The following THSD7B variants were observed in gnomAD, a reference collection of about 807,000 sequenced individuals.
THSD7B encodes the protein thrombospondin type 1 domain containing 7B.
THSD7B carries 138 observed loss-of-function variants against 213.6 expected under a neutral mutation model. The ratio of observed to expected loss-of-function variants is 0.65; its 90% CI spans 0.56 to 0.74. The LOEUF is 0.74. Among genes scored for constraint, THSD7B ranks in the 30% least tolerant of loss-of-function variants. The pLI, the probability that THSD7B is intolerant of heterozygous loss-of-function variation, is 0.00. For synonymous variants in THSD7B, 742 were observed against 687.0 expected (o/e 1.08, Z -1.25); for missense variants, 1,931 against 1,991.5 (o/e 0.97, Z 0.58).
chr2:137,420,735 G>A (rs1686905716), intron 14 of THSD7B, among the ~76,000 whole-genome samples: 1 of 152,118 alleles, frequency 6.6e-6, no homozygotes, highest in African/African-American at 2.4e-5. Context: ...TCACATATGT[G>A]AATTCATTCC....
chr2:136,917,165 T>G (rs1684363319), intron 2 of THSD7B, among the ~76,000 whole-genome samples: 1 of 152,192 alleles, frequency 6.6e-6, no homozygotes, highest in African/African-American at 2.4e-5. Context: ...TCTCAAACTT[T>G]TCAGTTTAAG....
chr2:137,013,712 T>C (rs1185377739), intron 2 of THSD7B, among the ~76,000 whole-genome samples: 1 of 151,974 alleles, frequency 6.6e-6, no homozygotes, highest in East Asian at 1.9e-4. Flanking sequence ...TTAAAACCCA[T>C]CCTCCACCCC....
chr2:137,420,137 T>C (rs1361683336), intron 14 of THSD7B, among the ~76,000 whole-genome samples: 5 of 152,096 alleles, frequency 3.3e-5, no homozygotes, highest in African/African-American at 1.2e-4. Context: ...ATAAAAGCCA[T>C]TTTTACTGGA....
At chr2:137,343,949 G>T (rs918047626) in intron 12 of THSD7B, among the ~76,000 whole-genome samples, 1 of 151,670 alleles carries the variant, frequency 6.6e-6, no homozygotes. Context: ...CACATGTTGA[G>T]TTCTTTGAAA....
At chr2:137,117,478 G>A (rs1688465168) in intron 5 of THSD7B, among the ~76,000 whole-genome samples, 1 of 152,068 alleles carries the variant, frequency 6.6e-6, no homozygotes, top group African/African-American at 2.4e-5. Context: ...TAATATTATT[G>A]TTGTTATGTT....
chr2:137,056,220 C>A lies in THSD7B; in HGVS notation c.140-200C>A, dbSNP rs1687160466. On this transcript the variant is annotated intron_variant, in intron 2 of 27. Transcript: ENST00000409968. ...GCTTAGAAAGTTGAAATAATTCATC[C>A]AAGTTTACATTACTGATGGAATGCT... is the stretch of plus-strand genomic sequence containing the variant. 1.3e-5 allele frequency among the ~76,000 whole-genome samples: 2 copies of A among 152,090 alleles called. 1 individual carries two copies. The highest frequency in any genetic ancestry group is 4.1e-4 in the South Asian group (2 of 4,824).
chr2:137,395,007 G>A (rs1422495345), intron 12 of THSD7B, among the ~76,000 whole-genome samples: 1 of 144,506 alleles, frequency 6.9e-6, no homozygotes, highest in Admixed American at 6.8e-5. Context: ...TTTGTACATT[G>A]ATTTTGTATC....
chr2:137,637,278 A>G (rs962420074), intron 20 of THSD7B, among the ~76,000 whole-genome samples: 3 of 152,220 alleles, frequency 2.0e-5, no homozygotes, highest in Non-Finnish European at 4.4e-5. Context: ...ATTCCATGTT[A>G]TTAGATTTTT....
At chr2:137,166,112 T>G (rs1680123543) in intron 6 of THSD7B, among the ~76,000 whole-genome samples, 1 of 152,060 alleles carries the variant, frequency 6.6e-6, no homozygotes, top group Non-Finnish European at 1.5e-5. Flanking sequence ...TTATTCAGAG[T>G]ACATTAGAAA....
At chr2:137,504,012 T>A (rs1205117244) in intron 15 of THSD7B, among the ~76,000 whole-genome samples, 2 of 132,904 alleles carry the variant, frequency 1.5e-5, no homozygotes, top group Non-Finnish European at 3.1e-5. Flanking sequence ...GGCGACAGAG[T>A]GAGACTCCAT....
At chr2:137,539,599 G>A (rs1573694037) in intron 15 of THSD7B, among the ~76,000 whole-genome samples, 1 of 151,578 alleles carries the variant, frequency 6.6e-6, no homozygotes, top group East Asian at 1.9e-4. Context: ...CTTGTATAGA[G>A]GATGAATTTA....
At chr2:137,596,397 A>G (rs1013355248) in intron 17 of THSD7B, among the ~76,000 whole-genome samples, 11 of 152,090 alleles carry the variant, frequency 7.2e-5, no homozygotes, top group Non-Finnish European at 1.6e-4. Context: ...AAACATTAAA[A>G]ATGTTTAATT....
At chr2:137,286,721 T>C (rs2104826964) in intron 12 of THSD7B, among the ~76,000 whole-genome samples, 1 of 152,110 alleles carries the variant, frequency 6.6e-6, no homozygotes, top group South Asian at 2.1e-4. Context: ...AGGAGAAAGG[T>C]TTTCTGGGAA....
chr2:136,936,365 G>A (rs1684728245), intron 2 of THSD7B, among the ~76,000 whole-genome samples: 1 of 152,094 alleles, frequency 6.6e-6, no homozygotes, highest in Non-Finnish European at 1.5e-5. Context: ...AAAGATAATT[G>A]CACACGCATG....
chr2:136,997,914 C>T (rs896267743), intron 2 of THSD7B, among the ~76,000 whole-genome samples: 1 of 152,030 alleles, frequency 6.6e-6, no homozygotes, highest in African/African-American at 2.4e-5. Flanking sequence ...GGCTAAGACA[C>T]AAAGGGTTCC....
chr2:137,089,770 A>T (rs111287440), intron 3 of THSD7B, among the ~76,000 whole-genome samples: 2,091 of 152,228 alleles, frequency 0.014, 29 homozygotes, highest in African/African-American at 0.025. Context: ...GAACTTTAGG[A>T]GTCCAAAGAG....
chr2:137,664,012 T>A (rs922830309), intron 26 of THSD7B, among the ~76,000 whole-genome samples: 2 of 151,956 alleles, frequency 1.3e-5, no homozygotes, highest in Non-Finnish European at 2.9e-5. Flanking sequence ...CCACCACACC[T>A]GACTAATTTT....
intron 1 of THSD7B, among the ~76,000 whole-genome samples, chr2:136,881,743 C>T (rs566844134): frequency 3.9e-5 from 6 of 152,156 alleles, no homozygotes; most frequent in South Asian, 2.1e-4. Context: ...CATGAGTTAA[C>T]CACCTCAGGC....
intron 4 of THSD7B, among the ~76,000 whole-genome samples, chr2:137,101,698 G>A (rs1688153557): frequency 6.6e-6 from 1 of 152,164 alleles, no homozygotes; most frequent in African/African-American, 2.4e-5. Flanking sequence ...CTCAAGCTTG[G>A]TGGTGGGAGG....
Sources: gnomAD v4.1 joint callset for allele counts (sites outside exome capture counted in the v4.1 genomes callset) on GRCh38, gnomAD v4.1.1 for gene constraint, MANE v1.5 for transcripts, NCBI Gene and HGNC (gene_info 2026-07-23, HGNC 2026-07-21) for gene names.